The following C19orf18 variants were observed in gnomAD, a reference collection of about 807,000 sequenced individuals.
C19orf18 encodes chromosome 19 open reading frame 18, also known as uncharacterized protein C19orf18.
Under a neutral mutation model 23.3 loss-of-function variants are expected in C19orf18, and 21 were observed. The observed-to-expected ratio is 0.90, with a 90% CI of 0.64 to 1.30. C19orf18 has a LOEUF of 1.30. C19orf18 is among the 50% of genes most tolerant of loss of function. The probability of loss-of-function intolerance (pLI) is 0.00; values close to 1 mark genes in which losing one functional copy is unlikely to be tolerated. For missense variants in C19orf18, 249 were observed against 259.6 expected, an observed-to-expected ratio of 0.96 and a Z score of 0.28; for synonymous variants, 96 against 95.2, an observed-to-expected ratio of 1.01 and a Z score of -0.05.
intron 5 of C19orf18, 136 bp downstream of exon 5, chr19:57,961,255 A>AAAGAAAGG: frequency 2.1e-6 from 2 of 954,200 alleles, no homozygotes; most frequent in African/African-American, 1.7e-5. Context: ...TGAAAGAAAG[A>AAAGAAAGG]AAGGAAGGAA....
intron 5 of C19orf18, among the ~76,000 whole-genome samples, chr19:57,960,497 G>A (rs1390042939): frequency 2.0e-5 from 3 of 151,792 alleles, no homozygotes; most frequent in African/African-American, 7.3e-5. Context: ...CTTCTCACAA[G>A]GACAGCAGAA....
intron 3 of C19orf18, among the ~76,000 whole-genome samples, chr19:57,967,941 G>A (rs1364232662): frequency 6.6e-6 from 1 of 152,194 alleles, no homozygotes; most frequent in Non-Finnish European, 1.5e-5. Context: ...GAACCCAGGA[G>A]GTGGAGGTTG....
intron 2 of C19orf18, among the ~76,000 whole-genome samples, chr19:57,972,983 A>G (rs1012751719): frequency 1.4e-4 from 21 of 151,928 alleles, no homozygotes; most frequent in African/African-American, 4.8e-4. Flanking sequence ...CCCCGTCTCT[A>G]CTGAAAATAC....
intron 3 of C19orf18, among the ~76,000 whole-genome samples, chr19:57,970,768 C>G (rs886147581): frequency 6.6e-6 from 1 of 152,074 alleles, no homozygotes; most frequent in African/African-American, 2.4e-5. Flanking sequence ...CCATGTTGTC[C>G]AGGCTGGTCT....
rs548890786 is a variant in C19orf18, at chr19:57,958,490, T to C, written c.*112A>G. The C allele has an allele frequency of 4.9e-5, 33 of 672,814 alleles. No homozygotes were observed. The highest frequency in any genetic ancestry group is 7.6e-5 in the Non-Finnish European group (30 of 396,700). The allele number at this position is 672,814 out of a possible 1,614,324, so 41.7% of individuals were successfully genotyped here. A position where few individuals can be genotyped will look rare whatever the true frequency, so the allele number is the denominator to read the frequency against. On this transcript the variant is annotated 3_prime_UTR_variant, in exon 6 of 6. Transcript: ENST00000314391. ...GGATACAGGTCTGGCATTTCTTTCT[T>C]TGATGTCCTCTTCCATAAGGTTCTC...
chr19:57,968,862 C>G (rs1238976082), intron 3 of C19orf18, among the ~76,000 whole-genome samples: 1 of 152,084 alleles, frequency 6.6e-6, no homozygotes, highest in Non-Finnish European at 1.5e-5. Context: ...ACAAACCAAC[C>G]AATCCACAGC....
chr19:57,969,169 C>T (rs1202861651), intron 3 of C19orf18, among the ~76,000 whole-genome samples: 4 of 152,122 alleles, frequency 2.6e-5, no homozygotes, highest in Non-Finnish European at 5.9e-5. Flanking sequence ...TAAGTATAAA[C>T]TTTTTCCTTC....
rs567872978 is a variant in C19orf18 at position 57,966,424 on chromosome 19, T to A, written c.371+106A>T. 6.3e-5 allele frequency: 46 copies of A among 727,094 alleles called. No individual in the cohort carries two copies. In the East Asian group the frequency reaches 1.2e-3, roughly 18 times the overall value. 45.0% of individuals were successfully genotyped at this position (727,094 alleles called of 1,614,324 possible). On this transcript the variant is annotated intron_variant, in intron 4 of 5. Transcript: ENST00000314391. ...TGGAAATTTATAATGACCAATACTT[T>A]AGCAATTATAAGATGTATCATCATC...
Position 57,958,541 on chromosome 19 carries a change from C to T in C19orf18, c.*61G>A. The stretch of plus-strand genomic sequence containing the variant: ...TGGGAGCAAGCCACGCCCACAGGCT[C>T]AGTCTCCCAGCACCCCCATAGTTTC... On this transcript the variant is annotated 3_prime_UTR_variant, in exon 6 of 6. Coordinates refer to ENST00000314391, the MANE Select transcript of C19orf18 (RefSeq NM_152474.5). The T allele has an allele frequency of 2.6e-6, 3 of 1,139,508 alleles. No homozygotes were observed. The highest frequency in any genetic ancestry group is 3.8e-6 in the Non-Finnish European group (3 of 790,786). The allele number at this position is 1,139,508 out of a possible 1,614,324, so 70.6% of individuals were successfully genotyped here.
chr19:57,966,485 T>C, intron 4 of C19orf18, 45 bp downstream of exon 4: 1 of 1,203,872 alleles, frequency 8.3e-7, no homozygotes, highest in Non-Finnish European at 1.2e-6. Flanking sequence ...GTTGACTTGT[T>C]ATGTCTCATT....
In C19orf18 at chr19:57,966,032, C is replaced by CAGT. The variant is rs2072905146; in HGVS notation, c.371+495_371+497dup. 4.6e-5 allele frequency among the ~76,000 whole-genome samples: 7 copies of CAGT among 150,826 alleles called. No homozygotes were observed. In the South Asian group the frequency reaches 1.3e-3, roughly 27 times the overall value. On this transcript the variant is annotated intron_variant, in intron 4 of 5. Transcript: ENST00000314391. The stretch of plus-strand genomic sequence containing the variant: ...TCACTCTGTCACTCAGGCTGGAGTG[C>CAGT]AGTGGCACGATCTCGGCTCACTGCA...
intron 4 of C19orf18, among the ~76,000 whole-genome samples, chr19:57,963,221 G>T (rs921129861): frequency 2.0e-5 from 3 of 151,762 alleles, no homozygotes; most frequent in Admixed American, 2.0e-4. Context: ...TACAGATGGG[G>T]TTTCTCCATG....
At chr19:57,961,045 CTAAAATGG>C (rs1423694139) in intron 5 of C19orf18, among the ~76,000 whole-genome samples, 1 of 152,050 alleles carries the variant, frequency 6.6e-6, no homozygotes, top group Non-Finnish European at 1.5e-5. Flanking sequence ...ACCATCCTGG[CTAAAATGG>C]TGAAACCCCG....
intron 3 of C19orf18, among the ~76,000 whole-genome samples, chr19:57,971,889 T>C (rs911521450): frequency 2.0e-5 from 3 of 152,206 alleles, no homozygotes; most frequent in African/African-American, 7.2e-5. Flanking sequence ...TCTTCCTTCA[T>C]GACAGTCATT....
intron 3 of C19orf18, among the ~76,000 whole-genome samples, chr19:57,969,318 A>G (rs2072927848): frequency 3.9e-5 from 6 of 152,066 alleles, no homozygotes; most frequent in African/African-American, 1.4e-4. Context: ...GCACTTTGGG[A>G]GGCCGAGGTG....
At chr19:57,964,831 T>G (rs1231688891) in intron 4 of C19orf18, among the ~76,000 whole-genome samples, 2 of 152,200 alleles carry the variant, frequency 1.3e-5, no homozygotes, top group African/African-American at 2.4e-5. Context: ...TGGGATACAA[T>G]GGAATCCTAG....
chr19:57,967,406 T>C (rs916487967), intron 3 of C19orf18, among the ~76,000 whole-genome samples: 1 of 152,164 alleles, frequency 6.6e-6, no homozygotes, highest in African/African-American at 2.4e-5. Flanking sequence ...GATACTACGG[T>C]GCCAGTTCAT....
rs150585544 is a variant in C19orf18, at chr19:57,974,359, G to A, written c.74C>T (p.Pro25Leu). 1.1e-5 allele frequency: 17 copies of A among 1,613,880 alleles called. No homozygotes were observed. The highest frequency in any genetic ancestry group is 3.3e-5 in the Admixed American group (2 of 59,984). The change falls in exon 1 of 6, where the codon CCG becomes CTG. Residue 25 changes from proline (P) to leucine (L), a missense_variant. Physicochemically the swap from Pro to Leu is moderately conservative, Grantham distance 98. Coordinates refer to ENST00000314391, the MANE Select transcript of C19orf18 (RefSeq NM_152474.5). ...LMECQLHLCL[P>L]YADGLHPTGN... The stretch of plus-strand genomic sequence containing the variant: ...AGTGGGATGGAGTCCATCTGCATAC[G>A]GCAAGCATAAATGAAGTTGGCATTC...
intron 5 of C19orf18, 147 bp from the exon 6 acceptor site, chr19:57,958,864 A>T: frequency 1.9e-6 from 1 of 520,716 alleles, no homozygotes; most frequent in Non-Finnish European, 3.3e-6. Flanking sequence ...TTGTCTGACA[A>T]GGATGGTGAA....
Sources: allele counts gnomAD v4.1 joint callset (sites outside exome capture counted in the v4.1 genomes callset), GRCh38; gene constraint gnomAD v4.1.1; transcripts MANE v1.5; gene names NCBI Gene and HGNC (gene_info 2026-07-23, HGNC 2026-07-21).